ASAP1: variants seen among roughly 807,000 people sequenced by gnomAD.
The protein encoded by ASAP1 is arf-GAP with SH3 domain, ANK repeat and PH domain-containing protein 1.
A neutral mutation model predicts 145.2 loss-of-function variants in ASAP1; 43 were observed. The observed-to-expected ratio is 0.30, with a 90% CI of 0.23 to 0.38. The LOEUF (loss-of-function observed/expected upper bound fraction) is 0.38. Among genes scored for constraint, ASAP1 ranks in the 10% least tolerant of loss-of-function variants. ASAP1 has a pLI of 1.00. For missense variants in ASAP1, 1,018 were observed against 1,355.3 expected, an observed-to-expected ratio of 0.75 and a Z score of 3.91; for synonymous variants, 546 against 515.5, an observed-to-expected ratio of 1.06 and a Z score of -0.80.
chr8:130,160,897 ATGT>A, intron 11 of ASAP1: 1 of 829,380 alleles, frequency 1.2e-6, no homozygotes, highest in South Asian at 1.5e-5. Flanking sequence ...ATTTTATATA[ATGT>A]ACACAGAAAA....
chr8:130,377,968 C>T (rs1018209689), intron 2 of ASAP1, among the ~76,000 whole-genome samples: 1 of 152,194 alleles, frequency 6.6e-6, no homozygotes, highest in South Asian at 2.1e-4. Context: ...CTGTTTCCTC[C>T]TGGGACCCTG....
At chr8:130,175,519 C>T (rs894018844) in intron 9 of ASAP1, among the ~76,000 whole-genome samples, 1 of 152,142 alleles carries the variant, frequency 6.6e-6, no homozygotes, top group African/African-American at 2.4e-5. Flanking sequence ...AGCCAGTACA[C>T]CTGGACTGTT....
intron 3 of ASAP1, among the ~76,000 whole-genome samples, chr8:130,247,774 T>A (rs1409585099): frequency 2.0e-5 from 3 of 152,180 alleles, no homozygotes; most frequent in African/African-American, 4.8e-5. Flanking sequence ...ATAGTGAGTG[T>A]CAGTTAAAAC....
chr8:130,258,966 C>T lies in ASAP1; in HGVS notation c.187-21972G>A, dbSNP rs116352300. On this transcript the variant is annotated intron_variant, in intron 3 of 29. Transcript: ENST00000518721. Reference sequence around the variant, plus strand: ...TAGGAAGGCCTTTTCCCTATTTGCCCCATCGATTCCAAAAATAAATTCCAG... The same window carrying T: ...TAGGAAGGCCTTTTCCCTATTTGCCTCATCGATTCCAAAAATAAATTCCAG... 6.1e-3 allele frequency among the ~76,000 whole-genome samples: 929 copies of T among 152,224 alleles called. 6 individuals carry two copies. The highest frequency in any genetic ancestry group is 0.021 in the African/African-American group (868 of 41,528).
intron 4 of ASAP1, among the ~76,000 whole-genome samples, chr8:130,219,976 A>G (rs1817192953): frequency 6.6e-6 from 1 of 152,016 alleles, no homozygotes; most frequent in African/African-American, 2.4e-5. Context: ...TTTTGTAGAG[A>G]TGGGGTCTTG....
At chr8:130,124,262 C>T (rs1564987374) in intron 17 of ASAP1, among the ~76,000 whole-genome samples, 158 bp from the exon 18 acceptor site, 2 of 152,210 alleles carry the variant, frequency 1.3e-5, no homozygotes, top group African/African-American at 4.8e-5. Flanking sequence ...ATTTACTGAG[C>T]ATCTACTACG....
At chr8:130,217,312 G>T (rs569175806) in intron 4 of ASAP1, among the ~76,000 whole-genome samples, 90 of 150,464 alleles carry the variant, frequency 6.0e-4, no homozygotes, top group Middle Eastern at 6.8e-3. Context: ...TTTTTTTTTG[G>T]TTTTTTTTGG....
intron 4 of ASAP1, among the ~76,000 whole-genome samples, chr8:130,216,950 T>G (rs374698749): frequency 6.6e-6 from 1 of 152,236 alleles, no homozygotes; most frequent in Non-Finnish European, 1.5e-5. Flanking sequence ...CAGCATCCAA[T>G]GCAACACTGT....
At chr8:130,386,323 G>C (rs1238489789) in intron 2 of ASAP1, among the ~76,000 whole-genome samples, 1 of 152,124 alleles carries the variant, frequency 6.6e-6, no homozygotes, top group Non-Finnish European at 1.5e-5. Context: ...CTTGCTTAAG[G>C]CAACCTGAAT....
intron 1 of ASAP1, among the ~76,000 whole-genome samples, chr8:130,402,402 T>C (rs1322416347): frequency 6.6e-6 from 1 of 152,118 alleles, no homozygotes; most frequent in African/African-American, 2.4e-5. Context: ...AGAAGGCAGA[T>C]ATAGAAGAAT....
At chr8:130,183,205 C>A (rs1427047637) in intron 7 of ASAP1, among the ~76,000 whole-genome samples, 1 of 151,838 alleles carries the variant, frequency 6.6e-6, no homozygotes, top group Non-Finnish European at 1.5e-5. Flanking sequence ...AAAATAAATG[C>A]AACAAACAAC....
At chr8:130,102,084 T>C (rs2097529754) in intron 24 of ASAP1, among the ~76,000 whole-genome samples, 1 of 152,174 alleles carries the variant, frequency 6.6e-6, no homozygotes. Context: ...GGATGCCCTT[T>C]ATTGCATTCT....
chr8:130,054,663 G>A lies in ASAP1; in HGVS notation c.*68C>T. On this transcript the variant is annotated 3_prime_UTR_variant, in exon 30 of 30. Coordinates refer to ENST00000518721, the MANE Select transcript of ASAP1 (RefSeq NM_018482.4). The stretch of plus-strand genomic sequence containing the variant: ...GTAACAGCAGCTATATACACACTGT[G>A]CCCAGGGTTACATGAAGGCAGCAGT... 7.3e-7 allele frequency: 1 copy of A among 1,376,770 alleles called. No individual in the cohort carries two copies. The highest frequency in any genetic ancestry group is 1.0e-6 in the Non-Finnish European group (1 of 966,046). 85.3% of individuals were successfully genotyped at this position (1,376,770 alleles called of 1,614,324 possible).
At chr8:130,061,156 A>G (rs904753736) in intron 27 of ASAP1, 87 bp from the exon 28 acceptor site, 4 of 1,489,682 alleles carry the variant, frequency 2.7e-6, no homozygotes, top group Admixed American at 2.3e-5. Flanking sequence ...ATCATCATGA[A>G]GGGAACTGAC....
At chr8:130,343,680 T>C (rs1479078969) in intron 3 of ASAP1, among the ~76,000 whole-genome samples, 1 of 152,190 alleles carries the variant, frequency 6.6e-6, no homozygotes, top group African/African-American at 2.4e-5. Flanking sequence ...GAGCAGAATA[T>C]GACAGATATA....
intron 1 of ASAP1, among the ~76,000 whole-genome samples, chr8:130,411,431 G>A (rs911211473): frequency 1.2e-4 from 18 of 152,312 alleles, no homozygotes; most frequent in African/African-American, 4.1e-4. Context: ...CAACCTGAGA[G>A]GTCCCCAGAG....
chr8:130,310,448 G>C (rs956599255), intron 3 of ASAP1, among the ~76,000 whole-genome samples: 8 of 152,082 alleles, frequency 5.3e-5, no homozygotes, highest in Admixed American at 4.6e-4. Flanking sequence ...AAAGATAGGG[G>C]TGAAGAGTCT....
At chr8:130,403,551 TTTC>T (rs1828893000) in intron 1 of ASAP1, among the ~76,000 whole-genome samples, 1 of 128,140 alleles carries the variant, frequency 7.8e-6, no homozygotes, top group Non-Finnish European at 1.6e-5. Context: ...TCTTTTTCTT[TTTC>T]TTTTTTTTTT....
rs566725900 is a variant in ASAP1 at position 130,065,478 on chromosome 8, T to C, written c.2702-4409A>G. 4.6e-5 allele frequency among the ~76,000 whole-genome samples: 7 copies of C among 152,200 alleles called. No individual in the cohort carries two copies. The South Asian group carries it at 1.5e-3, about 32-fold the overall frequency. On this transcript the variant is annotated intron_variant, in intron 27 of 29. Coordinates refer to ENST00000518721, the MANE Select transcript of ASAP1 (RefSeq NM_018482.4). ...TCAAACCCACAAGATGGGAAAAGAT[T>C]AGAGTCCTGCCTTGGGGTACATAAA...
Sources: allele counts gnomAD v4.1 joint callset (sites outside exome capture counted in the v4.1 genomes callset), GRCh38; gene constraint gnomAD v4.1.1; transcripts MANE v1.5; gene names NCBI Gene and HGNC (gene_info 2026-07-23, HGNC 2026-07-21).